Variants in SEC23A observed in about 807,000 individuals in gnomAD.
SEC23A encodes protein transport protein Sec23A.
In SEC23A, 56 loss-of-function variants were observed where a neutral mutation model predicts 103.7. The observed-to-expected ratio is 0.54, with a 90% CI of 0.44 to 0.67. The LOEUF is 0.67. Ranked by LOEUF, SEC23A falls within the 30% of genes least tolerant of loss-of-function variation. The probability of loss-of-function intolerance (pLI) is 0.00; values close to 1 mark genes in which losing one functional copy is unlikely to be tolerated. For synonymous variants in SEC23A, 281 were observed against 293.0 expected, an observed-to-expected ratio of 0.96 and a Z score of 0.42; for missense variants, 784 against 936.4, an observed-to-expected ratio of 0.84 and a Z score of 2.12.
rs761381006 is a variant in SEC23A, at chr14:39,039,016, G to A, written c.2208+15C>T. On this transcript the variant is annotated intron_variant, in intron 19 of 19. Transcript: ENST00000307712. ...CACAAAGAAATAATTTCCAAGACCT[G>A]CTATTTAAACTTACCTGCCCCCAGG... is the stretch of plus-strand genomic sequence containing the variant. 64 of 1,591,716 alleles carry A rather than the reference G, an allele frequency of 4.0e-5. No individual in the cohort carries two copies. The highest frequency in any genetic ancestry group is 5.4e-5 in the Non-Finnish European group (63 of 1,159,940).
In SEC23A at chr14:39,032,243, A is replaced by T. The variant is rs1885329275; in HGVS notation, c.*996T>A. On this transcript the variant is annotated 3_prime_UTR_variant, in exon 20 of 20. Coordinates refer to ENST00000307712, the MANE Select transcript of SEC23A (RefSeq NM_006364.4). ...AGTGAATACTAATGAATAAATCAAA[A>T]TAGAACTGAGCATCACATGATATAA... is the stretch of plus-strand genomic sequence containing the variant. 6.6e-6 allele frequency: 1 copy of T among 152,670 alleles called. No individual in the cohort carries two copies. The highest frequency in any genetic ancestry group is 6.5e-5 in the Admixed American group (1 of 15,290). 9.5% of individuals were successfully genotyped at this position (152,670 alleles called of 1,614,324 possible). A position where few individuals can be genotyped will look rare whatever the true frequency, so the allele number is the denominator to read the frequency against.
chr14:39,057,559 G>T (rs554407202), intron 13 of SEC23A, among the ~76,000 whole-genome samples: 6 of 152,106 alleles, frequency 3.9e-5, no homozygotes, highest in Non-Finnish European at 8.8e-5. Context: ...AGAGGTGAGG[G>T]TCTCACTATG....
At position 39,085,396 on chromosome 14, in the gene SEC23A, T is replaced by C. The variant is rs564464824; in HGVS notation, c.828+366A>G. Among the ~76,000 whole-genome samples the C allele has an allele frequency of 2.6e-5, 4 of 152,230 alleles. No homozygotes were observed. The East Asian group carries it at 7.7e-4, about 29-fold the overall frequency. ...AGCAAATTAATCAAACCCAAGAGTG[T>C]CCAATTTACAGCCAGTCTATCAGAG... On this transcript the variant is annotated intron_variant, in intron 7 of 19. Transcript: ENST00000307712.
At chr14:39,086,578 T>C (rs970768807) in intron 6 of SEC23A, among the ~76,000 whole-genome samples, 3 of 152,042 alleles carry the variant, frequency 2.0e-5, no homozygotes, top group Non-Finnish European at 4.4e-5. Context: ...GCCAAGATCA[T>C]GCCACTGCAC....
intron 14 of SEC23A, among the ~76,000 whole-genome samples, chr14:39,050,007 A>C (rs1464547172): frequency 6.6e-6 from 1 of 151,908 alleles, no homozygotes; most frequent in Non-Finnish European, 1.5e-5. Context: ...TGACCTCATG[A>C]TCCGCCCGTC....
At chr14:39,082,385 A>G (rs555099592) in intron 7 of SEC23A, among the ~76,000 whole-genome samples, 62 of 152,176 alleles carry the variant, frequency 4.1e-4, no homozygotes, top group Non-Finnish European at 6.3e-4. Context: ...CATAATAATA[A>G]TTGATCAGAA....
chr14:39,058,073 G>A (rs763755986), intron 13 of SEC23A, among the ~76,000 whole-genome samples: 24 of 152,096 alleles, frequency 1.6e-4, no homozygotes, highest in Non-Finnish European at 3.4e-4. Context: ...ACTGATCCTG[G>A]GTAGACTCAG....
At chr14:39,066,455 C>A (rs779755527) in intron 10 of SEC23A, among the ~76,000 whole-genome samples, 1 of 148,832 alleles carries the variant, frequency 6.7e-6, no homozygotes. Context: ...ACTGATTATC[C>A]GAAAGGTAAA....
chr14:39,041,492 A>ATGT (rs1885643225), intron 17 of SEC23A: 1 of 149,430 alleles, frequency 6.7e-6, no homozygotes, highest in Non-Finnish European at 1.5e-5. Flanking sequence ...AAGTTAAAAC[A>ATGT]GGTATTATTC....
intron 19 of SEC23A, among the ~76,000 whole-genome samples, chr14:39,036,607 C>G (rs1885471114): frequency 6.6e-6 from 1 of 152,070 alleles, no homozygotes; most frequent in South Asian, 2.1e-4. Flanking sequence ...TTACCTTTTG[C>G]TTTTGCAGAA....
chr14:39,088,204 G>T (rs1018605347), intron 5 of SEC23A: 5 of 152,088 alleles, frequency 3.3e-5, no homozygotes, highest in African/African-American at 1.2e-4. Context: ...TAATAATAGG[G>T]AAAGAATAGG....
chr14:39,092,918 G>C (rs1887710252), intron 3 of SEC23A: 2 of 488,618 alleles, frequency 4.1e-6, no homozygotes, highest in Admixed American at 7.1e-5. Context: ...GGCTGGAGTA[G>C]AGTGGTGCAA....
rs937866316 is a variant in SEC23A, at chr14:39,086,548, G to A, written c.683+381C>T. On this transcript the variant is annotated intron_variant, in intron 6 of 19. Transcript: ENST00000307712. ...GAGGCAGGAGAATTGTTTGAACCTG[G>A]GAGGCGGAAGTTGTAGTGAGCCAAG... 2.4e-4 allele frequency among the ~76,000 whole-genome samples: 36 copies of A among 152,224 alleles called. 1 individual carries two copies. The highest frequency in any genetic ancestry group is 2.4e-3 in the Admixed American group (36 of 15,280).
intron 19 of SEC23A, among the ~76,000 whole-genome samples, chr14:39,038,590 C>T (rs1885534492): frequency 6.6e-6 from 1 of 152,122 alleles, no homozygotes; most frequent in South Asian, 2.1e-4. Flanking sequence ...AGTGATCCTC[C>T]TGCCTCAGCC....
intron 19 of SEC23A, among the ~76,000 whole-genome samples, chr14:39,036,855 C>T (rs891486049): frequency 6.6e-6 from 1 of 152,124 alleles, no homozygotes; most frequent in Non-Finnish European, 1.5e-5. Context: ...CCCACTAATT[C>T]CTTATAAATT....
At chr14:39,091,385 T>C (rs1887657092) in intron 5 of SEC23A, 92 bp downstream of exon 5, 8 of 851,072 alleles carry the variant, frequency 9.4e-6, no homozygotes, top group Non-Finnish European at 1.5e-5. Context: ...TTATTCATAA[T>C]AAAAATTTGT....
intron 15 of SEC23A, 129 bp downstream of exon 15, chr14:39,048,523 C>A (rs930633679): frequency 3.0e-6 from 2 of 659,080 alleles, no homozygotes; most frequent in South Asian, 3.4e-5. Flanking sequence ...CTGACTAAGC[C>A]CCGGAGTTCC....
intron 14 of SEC23A, among the ~76,000 whole-genome samples, chr14:39,053,899 A>G (rs1886153074): frequency 6.6e-6 from 1 of 152,072 alleles, no homozygotes; most frequent in Non-Finnish European, 1.5e-5. Flanking sequence ...CTGGGAGACT[A>G]AGGTGGGAGG....
chr14:39,087,782 A>T (rs1442487034), intron 5 of SEC23A: 2 of 152,268 alleles, frequency 1.3e-5, no homozygotes, highest in African/African-American at 4.8e-5. Flanking sequence ...CTATACTGTT[A>T]GCAGAAACAG....
Sources: allele counts gnomAD v4.1 joint callset (sites outside exome capture counted in the v4.1 genomes callset), GRCh38; gene constraint gnomAD v4.1.1; transcripts MANE v1.5; gene names NCBI Gene and HGNC (gene_info 2026-07-23, HGNC 2026-07-21).